Variants in VMP1 observed in about 807,000 individuals in gnomAD.
VMP1 encodes ectopic P-granules autophagy protein 3 homolog.
Under a neutral mutation model 56.0 loss-of-function variants are expected in VMP1, and 11 were observed. The observed-to-expected ratio is 0.20, with a 90% confidence interval of 0.12 to 0.32. The LOEUF is 0.32. Among genes scored for constraint, VMP1 ranks in the 10% least tolerant of loss-of-function variants. VMP1 has a pLI of 1.00. For missense variants in VMP1, 296 were observed against 490.3 expected (o/e 0.60, Z 3.74); for synonymous variants, 149 against 165.0 (o/e 0.90, Z 0.74).
chr17:59,791,733 G>A (rs1383530378), intron 7 of VMP1, among the ~76,000 whole-genome samples: 1 of 151,980 alleles, frequency 6.6e-6, no homozygotes, highest in Admixed American at 6.6e-5. Flanking sequence ...CAAAATGCTG[G>A]GATTACAGGC....
At chr17:59,836,876 TTGTTA>T (rs2038999733) in intron 10 of VMP1, among the ~76,000 whole-genome samples, 1 of 151,980 alleles carries the variant, frequency 6.6e-6, no homozygotes, top group Non-Finnish European at 1.5e-5. Context: ...TTCCTGCTTT[TTGTTA>T]TAAAAAGCAG....
intron 1 of VMP1, among the ~76,000 whole-genome samples, chr17:59,719,531 T>C (rs2034312151): frequency 6.6e-6 from 1 of 152,180 alleles, no homozygotes; most frequent in Non-Finnish European, 1.5e-5. Flanking sequence ...TTTGGGATGA[T>C]GTTGCCAAGA....
intron 9 of VMP1, among the ~76,000 whole-genome samples, chr17:59,817,508 C>A (rs1444151071): frequency 6.6e-6 from 1 of 151,722 alleles, no homozygotes; most frequent in Non-Finnish European, 1.5e-5. Context: ...CATGTCACCA[C>A]CCCCAGCTAA....
chr17:59,712,380 T>A (rs2033966841), intron 1 of VMP1, among the ~76,000 whole-genome samples: 1 of 152,250 alleles, frequency 6.6e-6, no homozygotes, highest in Non-Finnish European at 1.5e-5. Flanking sequence ...AACTTTTTGG[T>A]ATTAACAGAC....
intron 7 of VMP1, among the ~76,000 whole-genome samples, chr17:59,783,641 G>T (rs1478151939): frequency 6.6e-6 from 1 of 152,024 alleles, no homozygotes; most frequent in Non-Finnish European, 1.5e-5. Context: ...CCTAACAATC[G>T]CTTTGGGTCA....
chr17:59,709,181 T>C (rs897487509), intron 1 of VMP1, among the ~76,000 whole-genome samples: 1 of 152,254 alleles, frequency 6.6e-6, no homozygotes, highest in Non-Finnish European at 1.5e-5. Flanking sequence ...ATTTGAGATA[T>C]GGAATTATGA....
chr17:59,731,331 G>T (rs1171757626), intron 1 of VMP1, 90 bp from the exon 2 acceptor site: 1 of 727,230 alleles, frequency 1.4e-6, no homozygotes, highest in Non-Finnish European at 2.2e-6. Context: ...GCTTATTACT[G>T]TGATGTTATT....
intron 5 of VMP1, among the ~76,000 whole-genome samples, chr17:59,762,042 T>C (rs1400071469): frequency 6.6e-6 from 1 of 152,222 alleles, no homozygotes; most frequent in Non-Finnish European, 1.5e-5. Context: ...TCTTCATTTT[T>C]ATCCCTTCTC....
chr17:59,711,553 G>A (rs1388192243), intron 1 of VMP1, among the ~76,000 whole-genome samples: 1 of 152,126 alleles, frequency 6.6e-6, no homozygotes, highest in Non-Finnish European at 1.5e-5. Context: ...AGAGCATATT[G>A]CCTCAAGAAA....
intron 10 of VMP1, among the ~76,000 whole-genome samples, chr17:59,825,390 AC>A (rs1169358793): frequency 2.0e-5 from 3 of 151,860 alleles, no homozygotes; most frequent in African/African-American, 7.3e-5. Context: ...TTTTTTAATT[AC>A]GATTTAATAC....
intron 6 of VMP1, among the ~76,000 whole-genome samples, chr17:59,765,472 T>C (rs1326305338): frequency 6.6e-6 from 1 of 152,218 alleles, no homozygotes; most frequent in Non-Finnish European, 1.5e-5. Context: ...AATCCACATA[T>C]AACTTTTGAC....
chr17:59,824,963 G>A (rs533892110), intron 10 of VMP1, among the ~76,000 whole-genome samples: 1 of 151,508 alleles, frequency 6.6e-6, no homozygotes, highest in African/African-American at 2.4e-5. Context: ...TGGATTGGTT[G>A]AATTCTCAGG....
At chr17:59,772,487 G>A (rs1305281178) in intron 6 of VMP1, among the ~76,000 whole-genome samples, 2 of 151,948 alleles carry the variant, frequency 1.3e-5, no homozygotes, top group African/African-American at 4.8e-5. Context: ...AGCAGAGCTT[G>A]GCTGGGCGTG....
intron 7 of VMP1, among the ~76,000 whole-genome samples, chr17:59,795,019 C>T (rs942871454): frequency 5.8e-5 from 5 of 86,284 alleles, no homozygotes; most frequent in African/African-American, 2.0e-4. Flanking sequence ...TTTTTTGAGA[C>T]GGAGTTTCGC....
intron 5 of VMP1, among the ~76,000 whole-genome samples, chr17:59,742,522 C>CAATAATAAT (rs71370113): frequency 0.31 from 44,909 of 142,602 alleles, 8,439 homozygotes; most frequent in Non-Finnish European, 0.42. Flanking sequence ...GTCTCAAAAA[C>CAATAATAAT]AATAATAATA....
chr17:59,836,540 TTTCTC>T (rs1422169366), intron 10 of VMP1, among the ~76,000 whole-genome samples: 4 of 152,150 alleles, frequency 2.6e-5, no homozygotes, highest in African/African-American at 9.7e-5. Flanking sequence ...TGATCTCTCT[TTTCTC>T]CCTCCAATTC....
At chr17:59,797,340 C>CAAAAAA (rs769486306) in intron 7 of VMP1, among the ~76,000 whole-genome samples, 8 of 65,064 alleles carry the variant, frequency 1.2e-4, no homozygotes, top group East Asian at 4.7e-4. Flanking sequence ...GACTCTGTCT[C>CAAAAAA]AAAAAAAAAA....
In VMP1 at chr17:59,839,937, A is replaced by C. The variant is rs144971888; in HGVS notation, c.*26A>C. On this transcript the variant is annotated 3_prime_UTR_variant, in exon 12 of 12. Transcript: ENST00000262291. ...GTAGAGAAAGTTTTAAACTGCAGAAATTGGAGTGGATGGGTTCTGCCTTAA... is the reference window on the plus strand; with the variant it reads ...GTAGAGAAAGTTTTAAACTGCAGAACTTGGAGTGGATGGGTTCTGCCTTAA... 4.3e-3 allele frequency: 6,838 copies of C among 1,607,296 alleles called. 24 individuals carry two copies. The highest frequency in any genetic ancestry group is 5.3e-3 in the Non-Finnish European group (6,304 of 1,178,716).
At position 59,840,604 on chromosome 17, in the gene VMP1, TTTC is replaced by T. The variant is rs993483903; in HGVS notation, c.*696_*698del. On this transcript the variant is annotated 3_prime_UTR_variant, in exon 12 of 12. Transcript: ENST00000262291. Reference sequence around the variant, plus strand: ...TTAATCATTCCAAAATTGTGTCCGTTTTCTTGAGCGTTTTGATTTTTTACTTTT... The same window carrying T: ...TTAATCATTCCAAAATTGTGTCCGTTTTGAGCGTTTTGATTTTTTACTTTT... The T allele has an allele frequency of 2.0e-5, 3 of 152,664 alleles. No individual in the cohort carries two copies. The highest frequency in any genetic ancestry group is 7.2e-5 in the African/African-American group (3 of 41,458). The allele number at this position is 152,664 out of a possible 1,614,324, so 9.5% of individuals were successfully genotyped here.
Sources: allele counts gnomAD v4.1 joint callset (sites outside exome capture counted in the v4.1 genomes callset), GRCh38; gene constraint gnomAD v4.1.1; transcripts MANE v1.5; gene names NCBI Gene and HGNC (gene_info 2026-07-23, HGNC 2026-07-21).